The following PIK3C2G variants were observed in gnomAD, a reference collection of about 807,000 sequenced individuals.
PIK3C2G encodes the protein phosphatidylinositol 3-kinase C2 domain-containing subunit gamma.
PIK3C2G carries 168 observed loss-of-function variants against 181.1 expected under a neutral mutation model. The ratio of observed to expected loss-of-function variants is 0.93; its 90% confidence interval spans 0.82 to 1.05. The LOEUF (loss-of-function observed/expected upper bound fraction) is 1.05. PIK3C2G is among the 50% of genes least tolerant of loss of function. The pLI is 0.00. For synonymous variants in PIK3C2G, 573 were observed against 592.2 expected (o/e 0.97, Z 0.47); for missense variants, 1,869 against 1,732.8 (o/e 1.08, Z -1.40).
rs769197992 is a variant in PIK3C2G at position 18,589,561 on chromosome 12, G to T, written c.4012-4933G>T. ...TCAGTAGACATGCTATTCAAATCAG[G>T]GCATTTTTATGAAGGAAGGAAAAAT... On this transcript the variant is annotated intron_variant, in intron 29 of 32. Coordinates refer to ENST00000538779, the MANE Select transcript of PIK3C2G (RefSeq NM_001288772.2). 8.6e-5 allele frequency among the ~76,000 whole-genome samples: 13 copies of T among 151,854 alleles called. 1 individual carries two copies. The highest frequency in any genetic ancestry group is 1.8e-4 in the Non-Finnish European group (12 of 67,902).
At chr12:18,643,619 T>A (rs1949953011) in intron 32 of PIK3C2G, among the ~76,000 whole-genome samples, 1 of 151,444 alleles carries the variant, frequency 6.6e-6, no homozygotes, top group African/African-American at 2.4e-5. Context: ...ACACTAGATG[T>A]TAACTCTGAT....
At chr12:18,279,823 G>A (rs937698602) in intron 1 of PIK3C2G, among the ~76,000 whole-genome samples, 6 of 151,776 alleles carry the variant, frequency 4.0e-5, no homozygotes, top group Non-Finnish European at 8.8e-5. Flanking sequence ...TCATTTTCTG[G>A]TTAACACTTT....
At chr12:18,408,265 T>A (rs557130744) in intron 16 of PIK3C2G, among the ~76,000 whole-genome samples, 7 of 152,278 alleles carry the variant, frequency 4.6e-5, no homozygotes, top group African/African-American at 1.4e-4. Flanking sequence ...GGGATCCAGT[T>A]TTAGCTTTCT....
At chr12:18,570,050 G>A (rs115775253) in intron 29 of PIK3C2G, among the ~76,000 whole-genome samples, 2,316 of 152,126 alleles carry the variant, frequency 0.015, 63 homozygotes, top group African/African-American at 0.053. Flanking sequence ...TAATTTTAAT[G>A]AAGTGAAATG....
At chr12:18,351,110 C>T (rs1201201385) in intron 11 of PIK3C2G, among the ~76,000 whole-genome samples, 1 of 151,898 alleles carries the variant, frequency 6.6e-6, no homozygotes, top group African/African-American at 2.4e-5. Flanking sequence ...AGATCTCATC[C>T]ACTTTCTGAG....
chr12:18,273,759 C>G (rs546253899), intron 1 of PIK3C2G, among the ~76,000 whole-genome samples: 1 of 152,196 alleles, frequency 6.6e-6, no homozygotes, highest in Non-Finnish European at 1.5e-5. Context: ...GACTCCATGT[C>G]TAAAACACCA....
chr12:18,263,379 T>C (rs1007069599), intron 1 of PIK3C2G, among the ~76,000 whole-genome samples: 1 of 152,120 alleles, frequency 6.6e-6, no homozygotes, highest in Non-Finnish European at 1.5e-5. Flanking sequence ...AGCCATCTTG[T>C]CCTTATAAAG....
At chr12:18,311,504 A>T (rs555252258) in intron 5 of PIK3C2G, among the ~76,000 whole-genome samples, 42 of 149,934 alleles carry the variant, frequency 2.8e-4, no homozygotes, top group African/African-American at 1.0e-3. Flanking sequence ...AGACACACAC[A>T]TATATACACC....
the PIK3C2G span, among the ~76,000 whole-genome samples, chr12:18,688,972 AG>A: frequency 6.6e-6 from 1 of 151,952 alleles, no homozygotes; most frequent in Non-Finnish European, 1.5e-5. Flanking sequence ...AAAGGAAAAG[AG>A]GGAAGGAAGG....
chr12:18,284,782 GA>G (rs769511583), intron 2 of PIK3C2G, among the ~76,000 whole-genome samples: 2 of 151,898 alleles, frequency 1.3e-5, no homozygotes, highest in Non-Finnish European at 1.5e-5. Flanking sequence ...AAGAACAGGG[GA>G]AAAAATAATA....
intron 3 of PIK3C2G, among the ~76,000 whole-genome samples, chr12:18,288,191 C>A (rs994293410): frequency 2.0e-5 from 3 of 151,980 alleles, no homozygotes; most frequent in African/African-American, 7.3e-5. Context: ...TAAACTAATG[C>A]ATTCATATTT....
chr12:18,506,314 G>A (rs1036613498), intron 24 of PIK3C2G, among the ~76,000 whole-genome samples: 3 of 152,148 alleles, frequency 2.0e-5, no homozygotes, highest in Admixed American at 6.5e-5. Flanking sequence ...GCCCAATCAG[G>A]TAGGGCACAG....
chr12:18,662,334 A>G, the PIK3C2G span, among the ~76,000 whole-genome samples: 4 of 152,022 alleles, frequency 2.6e-5, no homozygotes, highest in African/African-American at 9.7e-5. Flanking sequence ...ACAATTTTTA[A>G]AAAACACAAA....
intron 12 of PIK3C2G, among the ~76,000 whole-genome samples, chr12:18,368,031 T>A (rs927260837): frequency 6.6e-5 from 10 of 151,902 alleles, no homozygotes; most frequent in African/African-American, 2.4e-4. Context: ...AACCATCAGA[T>A]CTCTAAGAAC....
At chr12:18,488,712 A>T (rs1056466658) in intron 19 of PIK3C2G, 83 bp downstream of exon 19, 2 of 859,022 alleles carry the variant, frequency 2.3e-6, no homozygotes, top group African/African-American at 3.5e-5. Context: ...TTGCAAAGCA[A>T]ATTCCTTGAT....
chr12:18,406,881 T>A (rs1944565636), intron 16 of PIK3C2G, among the ~76,000 whole-genome samples: 1 of 152,072 alleles, frequency 6.6e-6, no homozygotes, highest in Non-Finnish European at 1.5e-5. Flanking sequence ...GAAGGTGGAG[T>A]TATATAAACA....
At chr12:18,719,005 T>A in the PIK3C2G span, among the ~76,000 whole-genome samples, 60 of 152,294 alleles carry the variant, frequency 3.9e-4, no homozygotes, top group Middle Eastern at 6.8e-3. Context: ...AGTTGTACAA[T>A]GTACTGTATT....
chr12:18,718,518 T>G, the PIK3C2G span, among the ~76,000 whole-genome samples: 1 of 152,256 alleles, frequency 6.6e-6, no homozygotes, highest in South Asian at 2.1e-4. Context: ...TTGACTTGTC[T>G]CTAGCCACAT....
chr12:18,481,928 C>T (rs1463459754), intron 18 of PIK3C2G, among the ~76,000 whole-genome samples: 1 of 152,162 alleles, frequency 6.6e-6, no homozygotes, highest in Non-Finnish European at 1.5e-5. Flanking sequence ...AGATTTTTAA[C>T]TGTCTTGGCT....
Sources: gnomAD v4.1 joint callset for allele counts (sites outside exome capture counted in the v4.1 genomes callset) on GRCh38, gnomAD v4.1.1 for gene constraint, MANE v1.5 for transcripts, NCBI Gene and HGNC (gene_info 2026-07-23, HGNC 2026-07-21) for gene names.